Variants in KAT6A observed in about 807,000 individuals in gnomAD.
KAT6A encodes lysine acetyltransferase 6A, also known as histone acetyltransferase KAT6A.
A neutral mutation model predicts 198.4 loss-of-function variants in KAT6A; 9 were observed. That is an observed-to-expected ratio of 0.05 (90% CI 0.03 to 0.08). The LOEUF (loss-of-function observed/expected upper bound fraction) is 0.08, where lower values mean the gene tolerates loss of function less well. Among genes scored for constraint, KAT6A ranks in the 10% least tolerant of loss-of-function variants. The probability of loss-of-function intolerance (pLI) is 1.00; values close to 1 mark genes in which losing one functional copy is unlikely to be tolerated. For missense variants in KAT6A, 2,077 were observed against 2,509.9 expected, an observed-to-expected ratio of 0.83 and a Z score of 3.69; for synonymous variants, 890 against 883.0, an observed-to-expected ratio of 1.01 and a Z score of -0.14.
chr8:42,041,291 G>A (rs1391538740), intron 2 of KAT6A, among the ~76,000 whole-genome samples: 3 of 150,942 alleles, frequency 2.0e-5, no homozygotes, highest in Non-Finnish European at 4.4e-5. Flanking sequence ...CTGAATTTTT[G>A]AAGAATAAAT....
intron 2 of KAT6A, among the ~76,000 whole-genome samples, chr8:42,019,314 T>C (rs1826418220): frequency 6.6e-6 from 1 of 152,192 alleles, no homozygotes; most frequent in Non-Finnish European, 1.5e-5. Context: ...AGGAACATTT[T>C]TTTCCTCAAT....
Position 41,930,558 on chromosome 8 carries a change from GGA to G in KAT6A, c.*1645_*1646del, listed in dbSNP as rs1365949684. On this transcript the variant is annotated 3_prime_UTR_variant, in exon 17 of 17. Coordinates refer to ENST00000265713, the MANE Select transcript of KAT6A (RefSeq NM_006766.5). ...TATCTATATAAAATGTACAAATAAAGGAGAGAATTTAATGCTTACAGATATTT... is the reference window on the plus strand; with the variant it reads ...TATCTATATAAAATGTACAAATAAAGGAGAATTTAATGCTTACAGATATTT... 4 of 189,346 alleles carry G rather than the reference GGA, an allele frequency of 2.1e-5. No individual in the cohort carries two copies. Among genetic ancestry groups the G allele is most frequent in the Non-Finnish European group, 4.4e-5 (4 of 90,808 alleles). The allele number at this position is 189,346 out of a possible 1,614,324, so 11.7% of individuals were successfully genotyped here.
At chr8:41,953,503 C>T (rs1265727284) in intron 9 of KAT6A, among the ~76,000 whole-genome samples, 1 of 152,138 alleles carries the variant, frequency 6.6e-6, no homozygotes, top group African/African-American at 2.4e-5. Flanking sequence ...GATGGAGTTT[C>T]GCTCCTGTTG....
At chr8:41,964,036 A>T (rs1340300866) in intron 8 of KAT6A, among the ~76,000 whole-genome samples, 1 of 152,228 alleles carries the variant, frequency 6.6e-6, no homozygotes, top group Non-Finnish European at 1.5e-5. Context: ...CACAATAACT[A>T]AAAATAGAAC....
At chr8:42,002,566 A>G (rs927903901) in intron 2 of KAT6A, among the ~76,000 whole-genome samples, 5 of 152,116 alleles carry the variant, frequency 3.3e-5, no homozygotes, top group South Asian at 2.1e-4. Context: ...GCTCAAAAAC[A>G]AACAACAAAA....
At chr8:42,028,609 G>A (rs765326021) in intron 2 of KAT6A, among the ~76,000 whole-genome samples, 18 of 151,716 alleles carry the variant, frequency 1.2e-4, no homozygotes, top group Admixed American at 2.0e-4. Context: ...CTTCACTTTC[G>A]GTCTATATGT....
rs1294036079 is a variant in KAT6A, at chr8:41,933,710, C to T, written c.4510G>A (p.Ala1504Thr). The change falls in exon 17 of 17, where the codon GCC becomes ACC. Residue 1504 changes from alanine to threonine, a missense_variant. By Grantham distance (58) the Ala-to-Thr change is moderately conservative. Around this residue, in one of 13 missense-constraint regions of KAT6A, gnomAD observed 178 missense variants for 220.8 expected, o/e 0.81. Transcript: ENST00000265713. The surrounding 1 kb of genome is among the most constrained non-coding windows in gnomAD (Gnocchi z 6.2). ...VRSVSSPNVP[A>T]LESGYTQISP... ...ATCTGGGTGTAGCCACTCTCAAGGGCAGGCACGTTGGGACTGCTGACCGAA... is the reference window on the plus strand; with the variant it reads ...ATCTGGGTGTAGCCACTCTCAAGGGTAGGCACGTTGGGACTGCTGACCGAA... 2 of 1,613,966 alleles carry T rather than the reference C, an allele frequency of 1.2e-6. No individual in the cohort carries two copies. The highest frequency in any genetic ancestry group is 1.7e-6 in the Non-Finnish European group (2 of 1,180,020).
intron 3 of KAT6A, among the ~76,000 whole-genome samples, chr8:41,984,518 G>C (rs981479457): frequency 6.6e-6 from 1 of 152,146 alleles, no homozygotes; most frequent in Non-Finnish European, 1.5e-5. Flanking sequence ...CCTCATGAAA[G>C]ATACCAAGTC....
rs748913433 is a variant in KAT6A at position 41,933,156 on chromosome 8, C to T, written c.5064G>A (p.Gln1688=). The T allele has an allele frequency of 1.1e-5, 18 of 1,601,080 alleles. No homozygotes were observed. Among genetic ancestry groups the T allele is most frequent in the Non-Finnish European group, 3.4e-6 (4 of 1,175,884 alleles). Residue 1688 remains glutamine (Q), a synonymous_variant, in exon 17 of 17, where the codon CAG becomes CAA. Transcript: ENST00000265713. This position sits in a 1 kb window ranked among gnomAD's most constrained non-coding sequence, Gnocchi z 6.2. ...GGGGAGGGGGTGGGGGTGGAGGCTG[C>T]TGGGGCTGAGGCTGCGGCTGCTGTT... is the stretch of plus-strand genomic sequence containing the variant. ...QPQQQPQPQP[Q]QPPPPPPPQQ... is the part of the protein sequence containing the mutation.
At position 41,991,142 on chromosome 8, in the gene KAT6A, T is replaced by C. The variant is rs113176685; in HGVS notation, c.601-3579A>G. Among the ~76,000 whole-genome samples the C allele has an allele frequency of 9.8e-3, 1,486 of 152,032 alleles. 20 individuals are homozygous for C. Among genetic ancestry groups the C allele is most frequent in the Non-Finnish European group, 0.016 (1,086 of 67,950 alleles). Reference sequence around the variant, plus strand: ...ATACCACATGATCCAGCACTTCCACTCCTAGCTATATACACAATTGAAGTA... The same window carrying C: ...ATACCACATGATCCAGCACTTCCACCCCTAGCTATATACACAATTGAAGTA... On this transcript the variant is annotated intron_variant, in intron 2 of 16. Coordinates refer to ENST00000265713, the MANE Select transcript of KAT6A (RefSeq NM_006766.5).
rs1824130206 is a variant in KAT6A, at chr8:41,977,686, CT to C, written c.1044-360del. 2.0e-5 allele frequency among the ~76,000 whole-genome samples: 3 copies of C among 152,242 alleles called. No individual in the cohort carries two copies. The South Asian group carries it at 6.2e-4, about 32-fold the overall frequency. ...AACTGGACTAAGAACAACTAAGATC[CT>C]TCCAGGTATAAAGTTCTACTACACT... On this transcript the variant is annotated intron_variant, in intron 6 of 16. Coordinates refer to ENST00000265713, the MANE Select transcript of KAT6A (RefSeq NM_006766.5).
intron 6 of KAT6A, among the ~76,000 whole-genome samples, chr8:41,977,930 A>C (rs2150887013): frequency 6.6e-6 from 1 of 152,358 alleles, no homozygotes; most frequent in East Asian, 1.9e-4. Flanking sequence ...CGTGTAAAAA[A>C]AGTAAGTAAA....
rs752852908 is a variant in KAT6A at position 41,977,196 on chromosome 8, A to G, written c.1175T>C (p.Phe392Ser). ...CAAGGAGACATTGCTATCTCTGCAG[A>G]AGTCCAAGCCATCTATCCGCTCTAA... The part of the protein sequence containing the change: ...GYLERIDGLD[F>S]CRDSNVSLKF... The change falls in exon 7 of 17, where the codon TTC (phenylalanine) becomes TCC (serine). Residue 392 changes from phenylalanine (F) to serine (S), a missense_variant. Phe to Ser is a radical substitution (Grantham distance 155). Transcript: ENST00000265713. 1 of 1,614,186 alleles carries G rather than the reference A, an allele frequency of 6.2e-7. No homozygotes were observed. Among genetic ancestry groups the G allele is most frequent in the Non-Finnish European group, 8.5e-7 (1 of 1,180,006 alleles).
At chr8:42,012,189 T>C (rs1826053583) in intron 2 of KAT6A, among the ~76,000 whole-genome samples, 2 of 152,180 alleles carry the variant, frequency 1.3e-5, no homozygotes, top group African/African-American at 4.8e-5. Context: ...GAAAACAGCT[T>C]AGCAGTTTCT....
At chr8:42,019,291 A>G (rs1342593574) in intron 2 of KAT6A, among the ~76,000 whole-genome samples, 3 of 152,136 alleles carry the variant, frequency 2.0e-5, no homozygotes, top group African/African-American at 7.2e-5. Flanking sequence ...AAATTTTAAG[A>G]TTCTTATGTG....
At chr8:42,021,454 A>G (rs766307149) in intron 2 of KAT6A, among the ~76,000 whole-genome samples, 15 of 152,212 alleles carry the variant, frequency 9.9e-5, no homozygotes, top group Non-Finnish European at 2.1e-4. Flanking sequence ...TTGCTTTATG[A>G]ATTTTGTAAT....
At position 42,032,202 on chromosome 8, in the gene KAT6A, T is replaced by C. The variant is rs143341373; in HGVS notation, c.600+16176A>G. Among the ~76,000 whole-genome samples the C allele has an allele frequency of 1.1e-3, 170 of 152,326 alleles. 4 individuals are homozygous for C. In the East Asian group the frequency reaches 0.025, roughly 23 times the overall value. ...ACTGTAGTCTTGCACAACAGGCAGC[T>C]TGATGTGGCTCAAGGAGTACTAAGA... On this transcript the variant is annotated intron_variant, in intron 2 of 16. Coordinates refer to ENST00000265713, the MANE Select transcript of KAT6A (RefSeq NM_006766.5).
intron 2 of KAT6A, among the ~76,000 whole-genome samples, chr8:42,017,143 C>T (rs1826312843): frequency 6.6e-6 from 1 of 152,174 alleles, no homozygotes; most frequent in African/African-American, 2.4e-5. Context: ...ATCTATGTAT[C>T]TCTATCACTG....
chr8:42,042,585 T>G (rs1827719424), intron 2 of KAT6A, among the ~76,000 whole-genome samples: 2 of 152,102 alleles, frequency 1.3e-5, no homozygotes, highest in African/African-American at 2.4e-5. Context: ...CTACTAAGAG[T>G]TGACCAAATT....
Sources: gnomAD v4.1 joint callset for allele counts (sites outside exome capture counted in the v4.1 genomes callset) on GRCh38, gnomAD v4.1.1 for gene constraint, gnomAD v4.1.1 regional missense constraint, Gnocchi (gnomAD v3.1) non-coding constraint, MANE v1.5 for transcripts, NCBI Gene and HGNC (gene_info 2026-07-23, HGNC 2026-07-21) for gene names.